BAIAP3: variants seen among roughly 807,000 people sequenced by gnomAD.
BAIAP3 encodes the protein BAI1-associated protein 3.
A neutral mutation model predicts 149.7 loss-of-function variants in BAIAP3; 180 were observed. That is an observed-to-expected ratio of 1.20 (90% confidence interval 1.07 to 1.36). The LOEUF is 1.36. BAIAP3 is among the 40% of genes most tolerant of loss of function. BAIAP3 has a pLI of 0.00. For synonymous variants in BAIAP3, 845 were observed against 670.7 expected, an observed-to-expected ratio of 1.26 and a Z score of -4.02; for missense variants, 1,767 against 1,563.4, an observed-to-expected ratio of 1.13 and a Z score of -2.20.
At chr16:1,336,234 C>T (rs2033445649) in intron 1 of BAIAP3, 1 of 985,392 alleles carries the variant, frequency 1.0e-6, no homozygotes, top group Non-Finnish European at 1.2e-6. Context: ...CAGCCTCTTC[C>T]ACCCAGCAAG....
intron 1 of BAIAP3, among the ~76,000 whole-genome samples, chr16:1,338,092 C>G (rs6600136): frequency 0.91 from 137,806 of 152,228 alleles, 62,560 homozygotes; most frequent in East Asian, 1. Context: ...GCCCCAGAGT[C>G]GGCACGGGGG....
In BAIAP3 at chr16:1,348,590, TG is replaced by T. The variant is rs1274424235; in HGVS notation, c.*109del. Reference sequence around the variant, plus strand: ...CAACCAGGGCCCACGGCGCCCCTCCTGTGCTGTGACGTGTGTGTCGTGGCTG... The same window carrying T: ...CAACCAGGGCCCACGGCGCCCCTCCTTGCTGTGACGTGTGTGTCGTGGCTG... On this transcript the variant is annotated 3_prime_UTR_variant, in exon 34 of 34. Coordinates refer to ENST00000426824, the MANE Select transcript of BAIAP3 (RefSeq NM_001199097.2). The T allele has an allele frequency of 4.5e-6, 5 of 1,115,048 alleles. No individual in the cohort carries two copies. The East Asian group carries it at 1.3e-4, about 29-fold the overall frequency. The allele number at this position is 1,115,048 out of a possible 1,614,324, so 69.1% of individuals were successfully genotyped here.
Position 1,341,202 on chromosome 16 carries a change from G to C in BAIAP3, c.535+7G>C, listed in dbSNP as rs2033899318. 1 of 1,612,164 alleles carries C rather than the reference G, an allele frequency of 6.2e-7. No individual in the cohort carries two copies. The highest frequency in any genetic ancestry group is 2.2e-5 in the East Asian group (1 of 44,866). On this transcript the variant is annotated splice_region_variant and intron_variant, in intron 7 of 33. Coordinates refer to ENST00000426824, the MANE Select transcript of BAIAP3 (RefSeq NM_001199097.2). ...CTGGCCAAGGACCCCAACGGTGAGT[G>C]GGGACCCAGCAGACCTCGGCTGCGC... is the stretch of plus-strand genomic sequence containing the variant.
chr16:1,344,759 T>C, intron 19 of BAIAP3, 39 bp from the exon 20 acceptor site: 1 of 1,613,036 alleles, frequency 6.2e-7, no homozygotes, highest in South Asian at 1.1e-5. Context: ...GGCCTGCAGG[T>C]GGGGCGCAGG....
At position 1,347,328 on chromosome 16, in the gene BAIAP3, C is replaced by T; in HGVS notation, c.2782C>T (p.Gln928Ter). The change falls in exon 29 of 34, where the codon CAG becomes TAG. Residue 928 changes from glutamine to a stop codon, truncating the protein, a stop_gained. Transcript: ENST00000426824. LOFTEE classifies it high-confidence loss of function. ...ALVSFFHAEG[Q>*]GLPLESLRDG... The stretch of plus-strand genomic sequence containing the variant: ...GGTCAGTTTTTTCCACGCAGAGGGT[C>T]AGGGTTTGCCCCTGGAGAGCCTGAG... 4 of 1,613,498 alleles carry T rather than the reference C, an allele frequency of 2.5e-6. No homozygotes were observed. Among genetic ancestry groups the T allele is most frequent in the Non-Finnish European group, 3.4e-6 (4 of 1,179,958 alleles).
rs775930353 is a variant in BAIAP3 at position 1,344,310 on chromosome 16, C to T, written c.1595C>T (p.Ala532Val). 1 of 1,613,830 alleles carries T rather than the reference C, an allele frequency of 6.2e-7. No homozygotes were observed. Among genetic ancestry groups the T allele is most frequent in the South Asian group, 1.1e-5 (1 of 91,086 alleles). ...GAGCTGAACATGGACATTGCTGCGG[C>T]CCTGAAGGTGTGTTCCAAAGCCCAG... is the stretch of plus-strand genomic sequence containing the variant. ...ESELNMDIAA[A>V]LKRGNREWYD... The change falls in exon 17 of 34, where the codon GCC becomes GTC. Residue 532 changes from alanine to valine, a missense_variant. Physicochemically the swap from Ala to Val is moderately conservative, Grantham distance 64. Transcript: ENST00000426824.
At position 1,341,371 on chromosome 16, in the gene BAIAP3, C is replaced by T. The variant is rs1249808770; in HGVS notation, c.613C>T (p.Gln205Ter). ...ATREPRAQKE[Q>*]RFGFRKGSKR... ...GCGGGAGCCCCGTGCACAGAAGGAG[C>T]AGCGCTTCGGCTTCCGCAAGGGCAG... Residue 205 changes from glutamine (Q) to a stop codon, truncating the protein, a stop_gained, in exon 8 of 34, where the codon CAG (glutamine) becomes TAG (stop). Coordinates refer to ENST00000426824, the MANE Select transcript of BAIAP3 (RefSeq NM_001199097.2). LOFTEE classifies it high-confidence loss of function. The T allele has an allele frequency of 1.2e-6, 2 of 1,612,376 alleles. No homozygotes were observed. The highest frequency in any genetic ancestry group is 1.6e-4 in the Middle Eastern group (1 of 6,078).
chr16:1,335,228 G>A (rs2033379490), intron 1 of BAIAP3, among the ~76,000 whole-genome samples: 1 of 152,254 alleles, frequency 6.6e-6, no homozygotes, highest in African/African-American at 2.4e-5. Context: ...TTCAGCCCAG[G>A]CCTGGGGGAC....
intron 10 of BAIAP3, 31 bp from the exon 11 acceptor site, chr16:1,342,150 C>G (rs1187073197): frequency 6.3e-7 from 1 of 1,577,364 alleles, no homozygotes; most frequent in Non-Finnish European, 8.6e-7. Flanking sequence ...CAGGAGCCAT[C>G]AGCGTGATGC....
chr16:1,336,109 G>A, intron 1 of BAIAP3: 2 of 638,240 alleles, frequency 3.1e-6, no homozygotes, highest in Non-Finnish European at 2.0e-6. Context: ...CGTCACATTT[G>A]TCTCCAGGAC....
chr16:1,341,766 C>G lies in BAIAP3; in HGVS notation c.732-56C>G, dbSNP rs73485663. On this transcript the variant is annotated intron_variant, in intron 8 of 33. Coordinates refer to ENST00000426824, the MANE Select transcript of BAIAP3 (RefSeq NM_001199097.2). ...CTGCTGCTTCTGGACTCCCTGACCC[C>G]GGCCTGGGCAGAGCCTCGCCGGGGA... The G allele has an allele frequency of 1.4e-3, 2,136 of 1,574,004 alleles. 23 individuals are homozygous for G. In the African/African-American group the frequency reaches 0.026, roughly 19 times the overall value.
Position 1,348,900 on chromosome 16 carries a change from C to T in BAIAP3, c.*418C>T, listed in dbSNP as rs867675594. On this transcript the variant is annotated 3_prime_UTR_variant, in exon 34 of 34. Coordinates refer to ENST00000426824, the MANE Select transcript of BAIAP3 (RefSeq NM_001199097.2). ...GCAGACGCATTTTTGGTAATCACAG[C>T]TGGGGAGTGAAAAGGGTGCCACTGG... 1.8e-5 allele frequency: 5 copies of T among 276,598 alleles called. No individual in the cohort carries two copies. Among genetic ancestry groups the T allele is most frequent in the African/African-American group, 1.1e-4 (5 of 45,446 alleles). The allele number at this position is 276,598 out of a possible 1,614,324, so 17.1% of individuals were successfully genotyped here.
At chr16:1,334,434 C>T in intron 1 of BAIAP3, 5 of 563,494 alleles carry the variant, frequency 8.9e-6, no homozygotes, top group South Asian at 2.2e-5. Flanking sequence ...CCCGGGGCCC[C>T]GGGAAAGGGG....
At chr16:1,345,955 C>T (rs1340838469) in intron 23 of BAIAP3, 31 bp from the exon 24 acceptor site, 1 of 1,589,602 alleles carries the variant, frequency 6.3e-7, no homozygotes, top group Non-Finnish European at 8.6e-7. Flanking sequence ...GGGGAGGGCT[C>T]CATGGCTCCC....
At chr16:1,344,764 C>T (rs199798700) in intron 19 of BAIAP3, 34 bp from the exon 20 acceptor site, 83 of 1,613,372 alleles carry the variant, frequency 5.1e-5, no homozygotes, top group Middle Eastern at 1.7e-4. Flanking sequence ...GCAGGTGGGG[C>T]GCAGGTGGAT....
At chr16:1,341,089 G>A (rs2033892316) in intron 6 of BAIAP3, 40 bp from the exon 7 acceptor site, 1 of 1,610,658 alleles carries the variant, frequency 6.2e-7, no homozygotes, top group Non-Finnish European at 8.5e-7. Context: ...CTGGGGGGCA[G>A]CTCAGCCTCA....
At chr16:1,343,921 C>T in intron 15 of BAIAP3, 101 bp from the exon 16 acceptor site, 1 of 1,546,152 alleles carries the variant, frequency 6.5e-7, no homozygotes, top group Non-Finnish European at 8.7e-7. Context: ...GCTGGGCTGA[C>T]CATGCCCGGG....
Position 1,346,069 on chromosome 16 carries a change from G to C in BAIAP3, c.2292G>C (p.Val764=). The C allele has an allele frequency of 1.2e-6, 2 of 1,610,848 alleles. No homozygotes were observed. Among genetic ancestry groups the C allele is most frequent in the Non-Finnish European group, 1.7e-6 (2 of 1,179,310 alleles). ...AGCCAGGGGCGGCCGGTGAAGCAGTGAGCGAGGCGGTGAGTGACCAGCTGG... is the reference window on the plus strand; with the variant it reads ...AGCCAGGGGCGGCCGGTGAAGCAGTCAGCGAGGCGGTGAGTGACCAGCTGG... ...DTQPGAAGEA[V]SEALCVVLNN... is the part of the protein sequence containing the mutation. Residue 764 remains valine, a synonymous_variant, in exon 24 of 34, where the codon GTG becomes GTC. Coordinates refer to ENST00000426824, the MANE Select transcript of BAIAP3 (RefSeq NM_001199097.2).
intron 11 of BAIAP3, 66 bp downstream of exon 11, chr16:1,342,349 A>G (rs768954199): frequency 6.5e-7 from 1 of 1,536,460 alleles, no homozygotes; most frequent in South Asian, 1.1e-5. Context: ...CCAGCCTTCA[A>G]GGGGCAGGGC....
Sources: allele counts gnomAD v4.1 joint callset (sites outside exome capture counted in the v4.1 genomes callset), GRCh38; gene constraint gnomAD v4.1.1; transcripts MANE v1.5; gene names NCBI Gene and HGNC (gene_info 2026-07-23, HGNC 2026-07-21).